Variants in ACAA2 observed in about 807,000 individuals in gnomAD.
ACAA2 encodes the protein 3-ketoacyl-CoA thiolase, mitochondrial.
In ACAA2, 35 loss-of-function variants were observed where a neutral mutation model predicts 44.8. The observed-to-expected ratio is 0.78, with a 90% CI of 0.60 to 1.04. The LOEUF (loss-of-function observed/expected upper bound fraction) is 1.04. Among genes scored for constraint, ACAA2 ranks in the 50% least tolerant of loss-of-function variants. ACAA2 has a pLI of 0.00. For synonymous variants in ACAA2, 142 were observed against 166.5 expected (o/e 0.85, Z 1.13); for missense variants, 468 against 482.6 (o/e 0.97, Z 0.28).
chr18:49,804,819 G>A (rs1015535803), intron 1 of ACAA2, among the ~76,000 whole-genome samples: 4 of 152,070 alleles, frequency 2.6e-5, no homozygotes, highest in Admixed American at 6.6e-5. Flanking sequence ...AAAAAAACTT[G>A]TGACTATACA....
intron 3 of ACAA2, among the ~76,000 whole-genome samples, chr18:49,796,990 C>T (rs1235544182): frequency 1.3e-5 from 2 of 151,692 alleles, no homozygotes; most frequent in Non-Finnish European, 1.5e-5. Context: ...ATAATACTTA[C>T]CATTTTAACC....
chr18:49,784,010 G>T, intron 9 of ACAA2, 79 bp from the exon 10 acceptor site: 3 of 1,145,796 alleles, frequency 2.6e-6, no homozygotes, highest in Non-Finnish European at 2.6e-6. Flanking sequence ...CATCACATCT[G>T]CATTACTCAT....
chr18:49,794,233 TATAG>T (rs2023438911), intron 5 of ACAA2, 43 bp downstream of exon 5: 6 of 1,376,338 alleles, frequency 4.4e-6, no homozygotes, highest in Non-Finnish European at 5.7e-6. Flanking sequence ...AAATATTTCC[TATAG>T]ATATTTATTC....
At chr18:49,799,187 G>A (rs2023498831) in intron 2 of ACAA2, among the ~76,000 whole-genome samples, 1 of 152,082 alleles carries the variant, frequency 6.6e-6, no homozygotes, top group African/African-American at 2.4e-5. Flanking sequence ...ATCTGACAAA[G>A]GGAATCTATA....
chr18:49,812,877 A>C (rs2023686708), intron 1 of ACAA2: 1 of 152,240 alleles, frequency 6.6e-6, no homozygotes, highest in South Asian at 2.1e-4. Context: ...GACTGTGCCC[A>C]CTTGTTTTGA....
At chr18:49,784,130 A>C (rs1401425965) in intron 9 of ACAA2, among the ~76,000 whole-genome samples, 199 bp from the exon 10 acceptor site, 4 of 149,446 alleles carry the variant, frequency 2.7e-5, no homozygotes, top group African/African-American at 7.4e-5. Flanking sequence ...AAAAACAAAA[A>C]ACAAAGAACA....
chr18:49,788,413 G>A (rs890389461), intron 7 of ACAA2, among the ~76,000 whole-genome samples: 48 of 152,266 alleles, frequency 3.2e-4, no homozygotes, highest in African/African-American at 7.5e-4. Flanking sequence ...ATTTTGTCAC[G>A]TAGTTAAAAT....
intron 5 of ACAA2, among the ~76,000 whole-genome samples, chr18:49,793,838 G>A (rs1272685268): frequency 6.6e-6 from 1 of 152,134 alleles, no homozygotes; most frequent in Non-Finnish European, 1.5e-5. Context: ...ATTAGGAGTG[G>A]CAGAAGGAAA....
chr18:49,803,236 T>C (rs1312334199), intron 1 of ACAA2, among the ~76,000 whole-genome samples: 1 of 126,132 alleles, frequency 7.9e-6, no homozygotes, highest in Non-Finnish European at 1.6e-5. Context: ...GCCCTGGTAG[T>C]TAAAATAATA....
At chr18:49,792,544 A>G (rs1336684344) in intron 5 of ACAA2, among the ~76,000 whole-genome samples, 1 of 152,068 alleles carries the variant, frequency 6.6e-6, no homozygotes. Context: ...TCCCGGGTTC[A>G]AGTGATTCTC....
At chr18:49,806,513 T>C (rs1306604061) in intron 1 of ACAA2, among the ~76,000 whole-genome samples, 2 of 152,168 alleles carry the variant, frequency 1.3e-5, no homozygotes, top group African/African-American at 4.8e-5. Context: ...AAAAAATAAA[T>C]AGCCAACCAA....
At position 49,797,594 on chromosome 18, in the gene ACAA2, T is replaced by C. The variant is rs1221770728; in HGVS notation, c.184A>G (p.Ser62Gly). 9.5e-6 allele frequency: 15 copies of C among 1,585,608 alleles called. No homozygotes were observed. The highest frequency in any genetic ancestry group is 1.3e-5 in the Non-Finnish European group (15 of 1,171,912). ...DSVIMGNVLQ[S>G]SSDAIYLARH... is the part of the protein sequence containing the mutation. Reference sequence around the variant, plus strand: ...GCCAAATATATAGCATCTGAAGAACTCTAGAAGAGAGAAGGAAAAGAAAAA... The same window carrying C: ...GCCAAATATATAGCATCTGAAGAACCCTAGAAGAGAGAAGGAAAAGAAAAA... The change falls in exon 3 of 10, where the codon AGT (serine) becomes GGT (glycine). Residue 62 changes from serine to glycine, a missense_variant and splice_region_variant. Transcript: ENST00000285093.
intron 1 of ACAA2, chr18:49,812,645 CAG>C (rs1251483645): frequency 6.6e-6 from 1 of 152,162 alleles, no homozygotes; most frequent in African/African-American, 2.4e-5. Flanking sequence ...CAAATTCGGA[CAG>C]AGTGGAAATC....
chr18:49,799,246 G>A (rs565398807), intron 2 of ACAA2, among the ~76,000 whole-genome samples: 17 of 150,230 alleles, frequency 1.1e-4, no homozygotes, highest in African/African-American at 3.9e-4. Flanking sequence ...CTCTCCCCAC[G>A]GTCTCCCTCT....
rs775933168 is a variant in ACAA2 at position 49,783,645 on chromosome 18, T to C, written c.*202A>G. ...TCAGAAATACATCATATTTCACTGGTTCAAATCTGAGAGAATGTACTTCTA... is the reference window on the plus strand; with the variant it reads ...TCAGAAATACATCATATTTCACTGGCTCAAATCTGAGAGAATGTACTTCTA... On this transcript the variant is annotated 3_prime_UTR_variant, in exon 10 of 10. Transcript: ENST00000285093. The C allele has an allele frequency of 1.3e-5, 7 of 528,068 alleles. No individual in the cohort carries two copies. Among genetic ancestry groups the C allele is most frequent in the Non-Finnish European group, 2.4e-5 (7 of 286,326 alleles). 32.7% of individuals were successfully genotyped at this position (528,068 alleles called of 1,614,324 possible). A position where few individuals can be genotyped will look rare whatever the true frequency, so the allele number is the denominator to read the frequency against.
intron 1 of ACAA2, among the ~76,000 whole-genome samples, chr18:49,809,063 T>C (rs2023640391): frequency 6.6e-6 from 1 of 152,164 alleles, no homozygotes; most frequent in Non-Finnish European, 1.5e-5. Flanking sequence ...GTCTTAACAT[T>C]CCTTGCTAGG....
chr18:49,785,290 C>T lies in ACAA2; in HGVS notation c.1016G>A (p.Ser339Asn), dbSNP rs1033599622. 1.2e-6 allele frequency: 2 copies of T among 1,614,046 alleles called. No homozygotes were observed. Among genetic ancestry groups the T allele is most frequent in the Non-Finnish European group, 1.7e-6 (2 of 1,180,020 alleles). The change falls in exon 9 of 10, where the codon AGT (serine) becomes AAT (asparagine). Residue 339 changes from serine to asparagine, a missense_variant. By Grantham distance (46) the Ser-to-Asn change is conservative. Transcript: ENST00000285093. ...GGCTCCTCCATTCACATTGGTTTTA[C>T]TTATGTCAAGATCCAAACTCCTCTC... The part of the protein sequence containing the change: ...AVERSLDLDI[S>N]KTNVNGGAIA...
In ACAA2 at chr18:49,783,763, T is replaced by A; in HGVS notation, c.*84A>T. ...TTCAATGGCAGGGCATGGCCAGTTG[T>A]GGCAGCTGCTCTGAAGGTCACTTGT... On this transcript the variant is annotated 3_prime_UTR_variant, in exon 10 of 10. Coordinates refer to ENST00000285093, the MANE Select transcript of ACAA2 (RefSeq NM_006111.3). 8.9e-7 allele frequency: 1 copy of A among 1,119,862 alleles called. No individual in the cohort carries two copies. Among genetic ancestry groups the A allele is most frequent in the East Asian group, 2.5e-5 (1 of 40,252 alleles). The allele number at this position is 1,119,862 out of a possible 1,614,324, so 69.4% of individuals were successfully genotyped here.
intron 8 of ACAA2, chr18:49,786,055 C>CTTAA (rs1358414051): frequency 1.3e-5 from 2 of 152,168 alleles, no homozygotes; most frequent in Admixed American, 6.6e-5. Flanking sequence ...ATCATATGAT[C>CTTAA]TTAATTCAGG....
Sources: gnomAD v4.1 joint callset for allele counts (sites outside exome capture counted in the v4.1 genomes callset) on GRCh38, gnomAD v4.1.1 for gene constraint, MANE v1.5 for transcripts, NCBI Gene and HGNC (gene_info 2026-07-23, HGNC 2026-07-21) for gene names.